SLC10A7: variants seen among roughly 807,000 people sequenced by gnomAD.
SLC10A7 encodes the protein sodium/bile acid cotransporter 7.
A neutral mutation model predicts 43.2 loss-of-function variants in SLC10A7; 29 were observed. The ratio of observed to expected loss-of-function variants is 0.67; its 90% CI spans 0.50 to 0.92. The LOEUF (loss-of-function observed/expected upper bound fraction) is 0.92. Among genes scored for constraint, SLC10A7 ranks in the 40% least tolerant of loss-of-function variants. The pLI is 0.00. For synonymous variants in SLC10A7, 152 were observed against 144.8 expected (o/e 1.05, Z -0.35); for missense variants, 295 against 403.2 (o/e 0.73, Z 2.30).
chr4:146,499,834 A>G (rs988263792), intron 4 of SLC10A7, among the ~76,000 whole-genome samples: 12 of 152,238 alleles, frequency 7.9e-5, no homozygotes, highest in African/African-American at 2.7e-4. Flanking sequence ...ATTAATATAA[A>G]CAATTTATCT....
chr4:146,498,077 T>A (rs1007218480), intron 4 of SLC10A7, among the ~76,000 whole-genome samples: 1 of 152,094 alleles, frequency 6.6e-6, no homozygotes, highest in African/African-American at 2.4e-5. Flanking sequence ...ATCTTCTTAT[T>A]TTTGGAAATA....
chr4:146,345,654 GT>G (rs1734569613), intron 5 of SLC10A7, among the ~76,000 whole-genome samples: 1 of 151,986 alleles, frequency 6.6e-6, no homozygotes, highest in Non-Finnish European at 1.5e-5. Context: ...CATCACAGTT[GT>G]AATTTTACAT....
chr4:146,276,062 G>A (rs575108323), intron 10 of SLC10A7, among the ~76,000 whole-genome samples: 2 of 152,234 alleles, frequency 1.3e-5, no homozygotes, highest in South Asian at 4.1e-4. Context: ...TGTAGACTAT[G>A]GGATTTGCCA....
At chr4:146,399,081 G>A (rs1312544144) in intron 5 of SLC10A7, among the ~76,000 whole-genome samples, 2 of 152,206 alleles carry the variant, frequency 1.3e-5, no homozygotes, top group African/African-American at 4.8e-5. Context: ...TTCAGGGAAG[G>A]CCACTGTAGA....
At chr4:146,297,153 C>T (rs932717291) in intron 7 of SLC10A7, among the ~76,000 whole-genome samples, 5 of 152,114 alleles carry the variant, frequency 3.3e-5, no homozygotes, top group Non-Finnish European at 5.9e-5. Context: ...TGCCCTCAGA[C>T]CTCAGAGAAA....
intron 5 of SLC10A7, among the ~76,000 whole-genome samples, chr4:146,438,871 A>T (rs753821274): frequency 3.3e-5 from 5 of 152,044 alleles, no homozygotes; most frequent in African/African-American, 9.6e-5. Flanking sequence ...TTTTTTAAAA[A>T]CTGAAACCTT....
intron 4 of SLC10A7, among the ~76,000 whole-genome samples, chr4:146,455,322 A>C (rs539690269): frequency 6.6e-6 from 1 of 151,948 alleles, no homozygotes; most frequent in South Asian, 2.1e-4. Flanking sequence ...TGATCAATTA[A>C]TGGAAGCTCT....
chr4:146,431,600 A>G (rs1729784583), intron 5 of SLC10A7, among the ~76,000 whole-genome samples: 2 of 152,136 alleles, frequency 1.3e-5, no homozygotes, highest in Admixed American at 1.3e-4. Context: ...ACCACACGAA[A>G]AGTAATGAAC....
intron 4 of SLC10A7, among the ~76,000 whole-genome samples, chr4:146,501,540 T>G (rs1047782657): frequency 6.6e-6 from 1 of 152,108 alleles, no homozygotes; most frequent in Non-Finnish European, 1.5e-5. Flanking sequence ...CTGTGGCAAG[T>G]GAAAATGTTG....
chr4:146,358,553 T>C (rs1428121374), intron 5 of SLC10A7, among the ~76,000 whole-genome samples: 1 of 152,182 alleles, frequency 6.6e-6, no homozygotes, highest in Non-Finnish European at 1.5e-5. Context: ...GTACCATTAT[T>C]TGGACTTTTG....
chr4:146,512,476 G>A (rs989715808), intron 2 of SLC10A7, among the ~76,000 whole-genome samples: 2 of 152,046 alleles, frequency 1.3e-5, no homozygotes, highest in South Asian at 2.1e-4. Flanking sequence ...AGCAAAATCT[G>A]GAAACAAATG....
chr4:146,294,180 A>C (rs747414134), intron 7 of SLC10A7, 85 bp from the exon 8 acceptor site: 7 of 1,081,708 alleles, frequency 6.5e-6, no homozygotes, highest in Non-Finnish European at 8.9e-6. Flanking sequence ...TGACAGGAGA[A>C]AGACATAAAG....
At chr4:146,262,121 A>G (rs900265261) in intron 10 of SLC10A7, among the ~76,000 whole-genome samples, 5 of 152,086 alleles carry the variant, frequency 3.3e-5, no homozygotes, top group Admixed American at 6.6e-5. Flanking sequence ...TTCTAAATCT[A>G]TTTATCTCAA....
rs373937348 is a variant in SLC10A7 at position 146,374,712 on chromosome 4, G to A, written c.436-48716C>T. Among the ~76,000 whole-genome samples, 15 of 149,078 alleles carry A rather than the reference G, an allele frequency of 1.0e-4. 1 individual carries two copies. The highest frequency in any genetic ancestry group is 3.4e-3 in the Middle Eastern group (1 of 294). Reference sequence around the variant, plus strand: ...CCACTATGGAAAGTAAGGGTTATTCGTTTAGATTCCTAAAGAAACTGTGCT... The same window carrying A: ...CCACTATGGAAAGTAAGGGTTATTCATTTAGATTCCTAAAGAAACTGTGCT... On this transcript the variant is annotated intron_variant, in intron 5 of 11. Coordinates refer to ENST00000335472, the MANE Select transcript of SLC10A7 (RefSeq NM_001029998.6).
intron 4 of SLC10A7, among the ~76,000 whole-genome samples, chr4:146,493,472 C>T (rs1401604109): frequency 2.7e-5 from 4 of 146,812 alleles, no homozygotes; most frequent in African/African-American, 7.6e-5. Context: ...GGCAACAGTG[C>T]GAGACTCTGT....
chr4:146,488,592 T>C (rs1256639258), intron 4 of SLC10A7, among the ~76,000 whole-genome samples: 2 of 152,214 alleles, frequency 1.3e-5, no homozygotes, highest in Non-Finnish European at 2.9e-5. Context: ...AGCCCTTTAG[T>C]AGTATTTTAT....
chr4:146,439,977 A>C (rs1187563526), intron 5 of SLC10A7, among the ~76,000 whole-genome samples: 1 of 152,196 alleles, frequency 6.6e-6, no homozygotes, highest in African/African-American at 2.4e-5. Flanking sequence ...CTCAAGCACC[A>C]ATTTCTCCCT....
At chr4:146,441,300 C>G (rs1232976195) in intron 5 of SLC10A7, among the ~76,000 whole-genome samples, 1 of 152,140 alleles carries the variant, frequency 6.6e-6, no homozygotes, top group Non-Finnish European at 1.5e-5. Context: ...CCTTACCAAA[C>G]AAGTGGGACT....
intron 5 of SLC10A7, among the ~76,000 whole-genome samples, chr4:146,366,920 T>C (rs1385615972): frequency 7.2e-5 from 11 of 152,210 alleles, no homozygotes; most frequent in Admixed American, 5.2e-4. Context: ...TCTTGGGTTA[T>C]ACACTCATTA....
Sources: allele counts gnomAD v4.1 joint callset (sites outside exome capture counted in the v4.1 genomes callset), GRCh38; gene constraint gnomAD v4.1.1; transcripts MANE v1.5; gene names NCBI Gene and HGNC (gene_info 2026-07-23, HGNC 2026-07-21).